Variants in DNAH14 observed in about 807,000 individuals in gnomAD.
DNAH14 encodes the protein axonemal beta dynein heavy chain 14.
A neutral mutation model predicts 520.9 loss-of-function variants in DNAH14; 478 were observed. The ratio of observed to expected loss-of-function variants is 0.92; its 90% CI spans 0.85 to 0.99. DNAH14 has a LOEUF of 0.99. Ranked by LOEUF, DNAH14 falls within the 50% of genes least tolerant of loss-of-function variation. The pLI is 0.00. For missense variants in DNAH14, 4,831 were observed against 5,234.5 expected (o/e 0.92, Z 2.38); for synonymous variants, 1,581 against 1,757.2 (o/e 0.90, Z 2.51).
chr1:225,345,153 A>G (rs1301142045), intron 69 of DNAH14, among the ~76,000 whole-genome samples: 1 of 152,218 alleles, frequency 6.6e-6, no homozygotes, highest in African/African-American at 2.4e-5. Flanking sequence ...CTTCACCTGC[A>G]TCAGTAAGAA....
intron 38 of DNAH14, among the ~76,000 whole-genome samples, chr1:225,200,812 A>C: frequency 6.6e-6 from 1 of 152,076 alleles, no homozygotes; most frequent in African/African-American, 2.4e-5. Flanking sequence ...TTAACTTTAG[A>C]TATCCTGATG....
At chr1:225,231,929 T>C (rs2091163055) in intron 42 of DNAH14, among the ~76,000 whole-genome samples, 1 of 152,136 alleles carries the variant, frequency 6.6e-6, no homozygotes. Context: ...GTATAAGATA[T>C]AAATAACAAT....
At chr1:225,006,174 T>A (rs947619969) in intron 9 of DNAH14, among the ~76,000 whole-genome samples, 7 of 152,216 alleles carry the variant, frequency 4.6e-5, no homozygotes, top group African/African-American at 1.7e-4. Context: ...TAATTTCCTA[T>A]GCCTGTCTTT....
At chr1:224,942,314 T>C (rs1252118407) in intron 1 of DNAH14, among the ~76,000 whole-genome samples, 1 of 152,136 alleles carries the variant, frequency 6.6e-6, no homozygotes, top group Non-Finnish European at 1.5e-5. Flanking sequence ...CTGTCCGTTA[T>C]TGGTGTATAA....
chr1:225,033,786 T>C (rs948259875), intron 11 of DNAH14, among the ~76,000 whole-genome samples: 6 of 152,170 alleles, frequency 3.9e-5, no homozygotes, highest in African/African-American at 1.2e-4. Context: ...ATCTTTCACC[T>C]CCCTGGTTAG....
At chr1:225,139,823 G>A (rs192791501) in intron 27 of DNAH14, among the ~76,000 whole-genome samples, 5 of 152,288 alleles carry the variant, frequency 3.3e-5, no homozygotes, top group East Asian at 3.9e-4. Context: ...AGACTCTGCC[G>A]TGACATGGCC....
At chr1:225,228,485 C>T (rs2090767662) in intron 41 of DNAH14, among the ~76,000 whole-genome samples, 1 of 152,062 alleles carries the variant, frequency 6.6e-6, no homozygotes, top group Non-Finnish European at 1.5e-5. Flanking sequence ...AATTTAACAG[C>T]AGACGTAAGG....
At chr1:224,976,031 C>CTTAATCCTGAGTTTCTTAATCCTGA (rs1553351358) in intron 8 of DNAH14, among the ~76,000 whole-genome samples, 11 of 151,476 alleles carry the variant, frequency 7.3e-5, no homozygotes, top group Non-Finnish European at 1.6e-4. Context: ...TGTAGTTGAG[C>CTTAATCCTGAGTTTCTTAATCCTGA]GGTTTTGAGT....
At chr1:224,941,457 C>T (rs1185770048) in intron 1 of DNAH14, among the ~76,000 whole-genome samples, 1 of 152,174 alleles carries the variant, frequency 6.6e-6, no homozygotes, top group African/African-American at 2.4e-5. Flanking sequence ...AATTTTCTCT[C>T]ATTCTGTAGG....
Position 225,346,023 on chromosome 1 carries a change from C to T in DNAH14, c.10740C>T (p.Asn3580=), listed in dbSNP as rs753592052. Residue 3580 remains asparagine (N), a synonymous_variant, in exon 70 of 86, where the codon AAC becomes AAT. Coordinates refer to ENST00000682510, the MANE Select transcript of DNAH14 (RefSeq NM_001367479.1). ...DTLRKSKMTS[N]EISKRIEATK... is the part of the protein sequence containing the mutation. Reference sequence around the variant, plus strand: ...TAAGAAAATCCAAAATGACATCAAACGAAATTTCAAAGCGCATCGAAGCAA... The same window carrying T: ...TAAGAAAATCCAAAATGACATCAAATGAAATTTCAAAGCGCATCGAAGCAA... The T allele has an allele frequency of 1.2e-5, 19 of 1,551,340 alleles. No individual in the cohort carries two copies. The highest frequency in any genetic ancestry group is 5.5e-5 in the African/African-American group (4 of 72,990).
rs749027163 is a variant in DNAH14 at position 225,145,392 on chromosome 1, C to T, written c.4794+13C>T. On this transcript the variant is annotated intron_variant, in intron 30 of 85. Coordinates refer to ENST00000682510, the MANE Select transcript of DNAH14 (RefSeq NM_001367479.1). The stretch of plus-strand genomic sequence containing the variant: ...TTTGGATTATAAGGTAAACCTTAAA[C>T]ATATGTGTCAGGAAGAAATATTGTA... 1.6e-5 allele frequency: 24 copies of T among 1,532,606 alleles called. No homozygotes were observed. The African/African-American group carries it at 3.0e-4, about 19-fold the overall frequency. The allele number at this position is 1,532,606 out of a possible 1,614,324, so 94.9% of individuals were successfully genotyped here.
At chr1:225,350,634 A>C (rs1558489837) in intron 71 of DNAH14, among the ~76,000 whole-genome samples, 1 of 152,170 alleles carries the variant, frequency 6.6e-6, no homozygotes, top group African/African-American at 2.4e-5. Context: ...ATTGTATGCC[A>C]ATGAATTGGA....
chr1:225,257,854 A>G (rs2092794530), intron 44 of DNAH14, 106 bp from the exon 45 acceptor site: 1 of 981,344 alleles, frequency 1.0e-6, no homozygotes, highest in Admixed American at 3.0e-5. Context: ...CTTTTCATAT[A>G]TACAATTAAT....
At chr1:225,117,270 C>G (rs1011965182) in intron 23 of DNAH14, among the ~76,000 whole-genome samples, 1 of 151,638 alleles carries the variant, frequency 6.6e-6, no homozygotes, top group African/African-American at 2.4e-5. Flanking sequence ...GTGATAACCA[C>G]ACCTATAGGG....
chr1:225,346,123 T>C lies in DNAH14; in HGVS notation c.10840T>C (p.Tyr3614His), dbSNP rs1372429011. 2 of 1,551,740 alleles carry C rather than the reference T, an allele frequency of 1.3e-6. No homozygotes were observed. Among genetic ancestry groups the C allele is most frequent in the Admixed American group, 3.9e-5 (2 of 51,012 alleles). ...CATTGCGACCCGAGGCGCCCTGCTC[T>C]ACTTCCTAGTAGCTGATCTCACACA... ...LPIATRGALL[Y>H]FLVADLTQIN... The change falls in exon 70 of 86, where the codon TAC (tyrosine) becomes CAC (histidine). Residue 3614 changes from tyrosine (Y) to histidine (H), a missense_variant. Coordinates refer to ENST00000682510, the MANE Select transcript of DNAH14 (RefSeq NM_001367479.1).
Position 225,042,962 on chromosome 1 carries a change from A to G in DNAH14, c.1616A>G (p.Glu539Gly). The G allele has an allele frequency of 6.4e-7, 1 of 1,551,990 alleles. No homozygotes were observed. The highest frequency in any genetic ancestry group is 8.7e-7 in the Non-Finnish European group (1 of 1,147,038). Residue 539 changes from glutamate to glycine, a missense_variant, in exon 13 of 86, where the codon GAG becomes GGG. Glu to Gly is a moderately conservative substitution (Grantham distance 98, BLOSUM62 -2). Transcript: ENST00000682510. ...GAAAATTCTAAAGAGAACTTTCATG[A>G]GTCTGACCAGTGCCCTGAAGAGTGT... ...SSENSKENFHESDQCPEECVM... is the reference protein window; with the variant it reads ...SSENSKENFHGSDQCPEECVM...
At chr1:224,945,428 A>G (rs1482596459) in intron 1 of DNAH14, among the ~76,000 whole-genome samples, 2 of 151,870 alleles carry the variant, frequency 1.3e-5, no homozygotes, top group Non-Finnish European at 2.9e-5. Flanking sequence ...CTTCTTTGCC[A>G]TGGGTTTGAA....
rs539667721 is a variant in DNAH14, at chr1:225,126,747, A to G, written c.4254+3133A>G. On this transcript the variant is annotated intron_variant, in intron 27 of 85. Transcript: ENST00000682510. The stretch of plus-strand genomic sequence containing the variant: ...ATTTTAGGTATTTCTTCCCTTCTGC[A>G]AGCTTTTGAATGTGTTTGCTCTTGC... Among the ~76,000 whole-genome samples the G allele has an allele frequency of 1.1e-4, 16 of 152,086 alleles. No individual in the cohort carries two copies. In the South Asian group the frequency reaches 3.3e-3, roughly 32 times the overall value.
intron 38 of DNAH14, among the ~76,000 whole-genome samples, chr1:225,197,850 T>C (rs1158821482): frequency 1.3e-5 from 2 of 152,186 alleles, no homozygotes; most frequent in South Asian, 2.1e-4. Context: ...TTACTGTTGG[T>C]GTATAGAAGA....
Sources: gnomAD v4.1 joint callset for allele counts (sites outside exome capture counted in the v4.1 genomes callset) on GRCh38, gnomAD v4.1.1 for gene constraint, MANE v1.5 for transcripts, NCBI Gene and HGNC (gene_info 2026-07-23, HGNC 2026-07-21) for gene names.